The following ZNF701 variants were observed in gnomAD, a reference collection of about 807,000 sequenced individuals.
The protein encoded by ZNF701 is zinc finger protein 701.
A neutral mutation model predicts 7.1 loss-of-function variants in ZNF701; 6 were observed. The observed-to-expected ratio is 0.84, with a 90% CI of 0.46 to 1.66. ZNF701 has a LOEUF of 1.66. Among genes scored for constraint, ZNF701 ranks in the 40% most tolerant of loss-of-function variants. ZNF701 has a pLI of 0.01. For synonymous variants in ZNF701, 166 were observed against 188.2 expected (o/e 0.88, Z 0.97); for missense variants, 541 against 559.2 (o/e 0.97, Z 0.33).
Position 52,582,297 on chromosome 19 carries a change from C to T in ZNF701, c.238C>T (p.His80Tyr). Residue 80 changes from histidine to tyrosine, a missense_variant, in exon 4 of 4, where the codon CAT becomes TAT. His to Tyr is a moderately conservative substitution (Grantham distance 83). Transcript: ENST00000391785. ...AGGGACATTGCAAATACATGCAAGT[C>T]ATCACATTGGAGATACTTGCTTCCA... ...HTGTLQIHAS[H>Y]HIGDTCFQEI... is the part of the protein sequence containing the mutation. 2 of 1,613,744 alleles carry T rather than the reference C, an allele frequency of 1.2e-6. No individual in the cohort carries two copies. Among genetic ancestry groups the T allele is most frequent in the Non-Finnish European group, 1.7e-6 (2 of 1,179,842 alleles).
At chr19:52,581,180 A>G (rs2059973155) in intron 3 of ZNF701, among the ~76,000 whole-genome samples, 2 of 152,186 alleles carry the variant, frequency 1.3e-5, no homozygotes, top group South Asian at 2.1e-4. Flanking sequence ...TTCCACATGG[A>G]TATAGATAAT....
the ZNF701 span, chr19:52,597,528 TTTACA>T: frequency 8.1e-6 from 3 of 372,238 alleles, no homozygotes; most frequent in Non-Finnish European, 1.6e-5. Context: ...TAAGAATTAA[TTTACA>T]TTAAAGTGTT....
chr19:52,578,240 TGA>T (rs1241172240), intron 3 of ZNF701, among the ~76,000 whole-genome samples: 1 of 111,312 alleles, frequency 9.0e-6, no homozygotes, highest in African/African-American at 3.8e-5. Context: ...GGCGACAGAG[TGA>T]GACTCCGTCT....
At chr19:52,594,930 C>G in the ZNF701 span, among the ~76,000 whole-genome samples, 1 of 152,068 alleles carries the variant, frequency 6.6e-6, no homozygotes, top group Admixed American at 6.5e-5. Context: ...GAAATTCCTC[C>G]TACGGAGGAC....
chr19:52,599,267 G>C, the ZNF701 span, among the ~76,000 whole-genome samples: 1 of 151,676 alleles, frequency 6.6e-6, no homozygotes, highest in Non-Finnish European at 1.5e-5. Context: ...TGAAGGACTT[G>C]GGAGCTCTCT....
chr19:52,571,714 C>T (rs886889778), intron 1 of ZNF701, among the ~76,000 whole-genome samples: 2 of 150,342 alleles, frequency 1.3e-5, no homozygotes, highest in Non-Finnish European at 1.5e-5. Context: ...TACAGCTGAC[C>T]CTCTTTCCCT....
At position 52,583,068 on chromosome 19, in the gene ZNF701, C is replaced by A. The variant is rs150530453; in HGVS notation, c.1009C>A (p.Arg337Ser). The A allele has an allele frequency of 1.8e-5, 29 of 1,613,250 alleles. No homozygotes were observed. Among genetic ancestry groups the A allele is most frequent in the African/African-American group, 2.7e-5 (2 of 74,706 alleles). ...KCEECDKVFSRKSHLERHRRI... is the reference protein window; with the variant it reads ...KCEECDKVFSSKSHLERHRRI... The stretch of plus-strand genomic sequence containing the variant: ...TGAAGAATGTGACAAAGTTTTCAGT[C>A]GCAAATCACACCTTGAAAGACATAG... Residue 337 changes from arginine (R) to serine (S), a missense_variant, in exon 4 of 4, where the codon CGC becomes AGC. Transcript: ENST00000391785.
intron 3 of ZNF701, among the ~76,000 whole-genome samples, chr19:52,579,442 C>T (rs111501501): frequency 0.13 from 18,013 of 135,244 alleles, 2,211 homozygotes; most frequent in Admixed American, 0.17. Flanking sequence ...ATTGCTTGAA[C>T]CTGGGAGGCG....
the ZNF701 span, chr19:52,597,803 C>T: frequency 5.4e-6 from 1 of 184,100 alleles, no homozygotes; most frequent in Admixed American, 5.4e-5. Context: ...AGGGCAGGGT[C>T]TCGAGGGGGC....
At chr19:52,598,025 A>G in the ZNF701 span, 1 of 152,304 alleles carries the variant, frequency 6.6e-6, no homozygotes, top group African/African-American at 2.4e-5. Context: ...GCTCATTGCA[A>G]GCTCCGCCTC....
chr19:52,576,099 C>T (rs2868492), intron 3 of ZNF701, 78 bp downstream of exon 3: 9 of 1,605,556 alleles, frequency 5.6e-6, no homozygotes, highest in African/African-American at 5.4e-5. Context: ...TCTTGGGAGC[C>T]ACATCCTTGC....
chr19:52,596,183 T>C, the ZNF701 span: 1 of 642,646 alleles, frequency 1.6e-6, no homozygotes, highest in Non-Finnish European at 2.8e-6. Flanking sequence ...CGTAACCCAT[T>C]CAGGAGAGAA....
intron 2 of ZNF701, chr19:52,575,660 C>G (rs914000011): frequency 2.8e-6 from 1 of 361,490 alleles, no homozygotes; most frequent in Non-Finnish European, 5.2e-6. Context: ...CCACCATACC[C>G]GGCTAATTAT....
chr19:52,597,424 C>A, the ZNF701 span: 2 of 509,420 alleles, frequency 3.9e-6, no homozygotes, highest in South Asian at 1.5e-5. Context: ...GATAACTGTT[C>A]CAAATACAGT....
the ZNF701 span, chr19:52,597,440 T>C: frequency 6.4e-6 from 3 of 471,738 alleles, no homozygotes; most frequent in African/African-American, 4.0e-5. Flanking sequence ...ACAGTGACTA[T>C]AGAAGATCAT....
chr19:52,593,398 C>T, the ZNF701 span, among the ~76,000 whole-genome samples: 11 of 110,506 alleles, frequency 1.0e-4, 4 homozygotes, highest in Admixed American at 7.4e-4. Flanking sequence ...GGCGGCTGGC[C>T]TGGCGGGGGG....
At chr19:52,596,388 A>T in the ZNF701 span, 1 of 397,124 alleles carries the variant, frequency 2.5e-6, no homozygotes, top group South Asian at 2.0e-5. Context: ...GAATGCAACA[A>T]AGTTTAGAGT....
rs1237214026 is a variant in ZNF701 at position 52,585,068 on chromosome 19, T to C, written c.*1611T>C. 1.3e-5 allele frequency: 2 copies of C among 152,210 alleles called. No homozygotes were observed. The highest frequency in any genetic ancestry group is 2.9e-5 in the Non-Finnish European group (2 of 68,070). The allele number at this position is 152,210 out of a possible 1,614,324, so 9.4% of individuals were successfully genotyped here. On this transcript the variant is annotated 3_prime_UTR_variant, in exon 4 of 4. Coordinates refer to ENST00000391785, the MANE Select transcript of ZNF701 (RefSeq NM_018260.3). ...CCCCTCTTTCTCAACTCAGAGCAAA[T>C]TGAGACGTCCGGGTGGGAGTCCGTG...
the ZNF701 span, among the ~76,000 whole-genome samples, chr19:52,593,249 C>G: frequency 8.4e-6 from 1 of 118,720 alleles, no homozygotes; most frequent in East Asian, 2.2e-4. Context: ...TTCTATTCTA[C>G]AAAACCGCCA....
Sources: allele counts gnomAD v4.1 joint callset (sites outside exome capture counted in the v4.1 genomes callset), GRCh38; gene constraint gnomAD v4.1.1; transcripts MANE v1.5; gene names NCBI Gene and HGNC (gene_info 2026-07-23, HGNC 2026-07-21).